DTWD2: variants seen among roughly 807,000 people sequenced by gnomAD.
The protein encoded by DTWD2 is DTW motif tRNA-uridine aminocarboxypropyltransferase 2.
Under a neutral mutation model 31.8 loss-of-function variants are expected in DTWD2, and 39 were observed. That is an observed-to-expected ratio of 1.22 (90% CI 0.95 to 1.60). The LOEUF is 1.60. Ranked by LOEUF, DTWD2 falls within the 40% of genes most tolerant of loss-of-function variation. DTWD2 has a pLI of 0.00. For synonymous variants in DTWD2, 180 were observed against 142.8 expected (o/e 1.26, Z -1.86); for missense variants, 515 against 381.5 (o/e 1.35, Z -2.92).
chr5:118,955,252 G>A (rs1036639131), intron 1 of DTWD2, among the ~76,000 whole-genome samples: 1 of 152,082 alleles, frequency 6.6e-6, no homozygotes, highest in Non-Finnish European at 1.5e-5. Flanking sequence ...TAATAAAACT[G>A]TAGCTCTTTA....
At chr5:118,910,338 G>A (rs1487104491) in intron 4 of DTWD2, among the ~76,000 whole-genome samples, 1 of 152,100 alleles carries the variant, frequency 6.6e-6, no homozygotes, top group Non-Finnish European at 1.5e-5. Flanking sequence ...AAATCACTAG[G>A]ACACCAACAC....
chr5:118,935,535 CGCTT>C (rs774426083), intron 3 of DTWD2, among the ~76,000 whole-genome samples: 36 of 152,102 alleles, frequency 2.4e-4, no homozygotes, highest in African/African-American at 8.4e-4. Context: ...CTTGCTCGCT[CGCTT>C]GCTTGTGGGG....
At chr5:118,851,526 T>C (rs1286523784) in intron 4 of DTWD2, among the ~76,000 whole-genome samples, 2 of 151,938 alleles carry the variant, frequency 1.3e-5, no homozygotes, top group African/African-American at 4.8e-5. Context: ...AAAGATCACA[T>C]GCTTCTGAGG....
At chr5:118,960,340 A>G (rs1754678453) in intron 1 of DTWD2, among the ~76,000 whole-genome samples, 1 of 152,298 alleles carries the variant, frequency 6.6e-6, no homozygotes, top group Admixed American at 6.5e-5. Flanking sequence ...CAACATCACT[A>G]ATCACCAGAG....
At chr5:118,893,635 C>T (rs1384349083) in intron 4 of DTWD2, among the ~76,000 whole-genome samples, 1 of 151,582 alleles carries the variant, frequency 6.6e-6, no homozygotes, top group Non-Finnish European at 1.5e-5. Flanking sequence ...ATGAATGGTC[C>T]CAATCTAGTC....
At chr5:118,978,601 C>T (rs752100428) in intron 1 of DTWD2, among the ~76,000 whole-genome samples, 77 of 152,150 alleles carry the variant, frequency 5.1e-4, no homozygotes, top group Non-Finnish European at 9.6e-4. Context: ...AGAAGACATT[C>T]ATGTGGCCAA....
chr5:118,880,603 T>G (rs1752719924), intron 4 of DTWD2, among the ~76,000 whole-genome samples: 1 of 152,198 alleles, frequency 6.6e-6, no homozygotes, highest in Non-Finnish European at 1.5e-5. Context: ...AAATATATAC[T>G]AAAATGCATT....
At chr5:118,974,212 T>A (rs967694952) in intron 1 of DTWD2, 4 of 1,285,324 alleles carry the variant, frequency 3.1e-6, no homozygotes, top group Non-Finnish European at 3.3e-6. Context: ...CTAAACGTGG[T>A]CACCTTCGAG....
chr5:118,973,201 T>C (rs1400350198), intron 1 of DTWD2, among the ~76,000 whole-genome samples: 4 of 152,132 alleles, frequency 2.6e-5, no homozygotes, highest in Admixed American at 2.6e-4. Flanking sequence ...GTCTTGACTC[T>C]TTATCCAATT....
chr5:118,934,611 G>C (rs182262271), intron 3 of DTWD2, among the ~76,000 whole-genome samples: 3 of 152,060 alleles, frequency 2.0e-5, no homozygotes, highest in African/African-American at 7.2e-5. Context: ...GGAACGCTAA[G>C]AAAAACTTAG....
chr5:118,929,489 C>T (rs1486070488), intron 3 of DTWD2, among the ~76,000 whole-genome samples: 3 of 144,738 alleles, frequency 2.1e-5, no homozygotes, highest in African/African-American at 5.1e-5. Context: ...CGTCACTTCC[C>T]TTTTTTTTTT....
At position 118,874,617 on chromosome 5, in the gene DTWD2, T is replaced by C. The variant is rs1297966403; in HGVS notation, c.598-26399A>G. On this transcript the variant is annotated intron_variant, in intron 4 of 5. Transcript: ENST00000510708. Reference sequence around the variant, plus strand: ...AAGTGGAGGAAAGAATCTCAGAGCTTGAAGACTGGCTTTCTAAAATAAAAC... The same window carrying C: ...AAGTGGAGGAAAGAATCTCAGAGCTCGAAGACTGGCTTTCTAAAATAAAAC... 3.3e-5 allele frequency among the ~76,000 whole-genome samples: 5 copies of C among 151,892 alleles called. No individual in the cohort carries two copies. The East Asian group carries it at 9.6e-4, about 29-fold the overall frequency.
chr5:118,860,051 G>C (rs1189464675), intron 4 of DTWD2, among the ~76,000 whole-genome samples: 1 of 152,036 alleles, frequency 6.6e-6, no homozygotes, highest in Non-Finnish European at 1.5e-5. Context: ...CCAGGAAGTT[G>C]AGGCTGCAGT....
At chr5:118,984,084 C>G (rs532875184) in intron 1 of DTWD2, among the ~76,000 whole-genome samples, 6 of 152,122 alleles carry the variant, frequency 3.9e-5, no homozygotes, top group Non-Finnish European at 8.8e-5. Context: ...GTTGGAAGCT[C>G]GAGACCAGCC....
intron 1 of DTWD2, among the ~76,000 whole-genome samples, chr5:118,969,372 G>A (rs904584141): frequency 7.2e-5 from 11 of 152,184 alleles, no homozygotes; most frequent in African/African-American, 2.4e-4. Context: ...TGTTCCCCCT[G>A]ACTGGGTGAG....
chr5:118,849,479 C>T (rs115836263), intron 4 of DTWD2, among the ~76,000 whole-genome samples: 2,298 of 152,180 alleles, frequency 0.015, 52 homozygotes, highest in African/African-American at 0.052. Flanking sequence ...AATTCCTCAA[C>T]GATCTACAAC....
At chr5:118,842,770 TAAAAAAAA>T (rs67399561) in intron 5 of DTWD2, among the ~76,000 whole-genome samples, 3 of 141,920 alleles carry the variant, frequency 2.1e-5, no homozygotes, top group Non-Finnish European at 4.6e-5. Flanking sequence ...CTGTTTCTAT[TAAAAAAAA>T]AAAAAGAAAA....
intron 1 of DTWD2, among the ~76,000 whole-genome samples, chr5:118,979,928 G>A (rs987636025): frequency 6.6e-6 from 1 of 152,196 alleles, no homozygotes; most frequent in African/African-American, 2.4e-5. Context: ...GTTGATCTGT[G>A]CAGCAAACCA....
intron 4 of DTWD2, among the ~76,000 whole-genome samples, chr5:118,850,222 G>C (rs940720425): frequency 2.7e-5 from 4 of 150,352 alleles, no homozygotes; most frequent in Admixed American, 6.6e-5. Flanking sequence ...CCAGCACTTT[G>C]GGAGGCCGAG....
Sources: gnomAD v4.1 joint callset for allele counts (sites outside exome capture counted in the v4.1 genomes callset) on GRCh38, gnomAD v4.1.1 for gene constraint, MANE v1.5 for transcripts, NCBI Gene and HGNC (gene_info 2026-07-23, HGNC 2026-07-21) for gene names.